Variants in CDK17 observed in about 807,000 individuals in gnomAD.
The protein encoded by CDK17 is cyclin dependent kinase 17, also known as cyclin-dependent kinase 17.
In CDK17, 24 loss-of-function variants were observed where a neutral mutation model predicts 77.6. The ratio of observed to expected loss-of-function variants is 0.31; its 90% CI spans 0.22 to 0.44. CDK17 has a LOEUF of 0.44. Among genes scored for constraint, CDK17 ranks in the 20% least tolerant of loss-of-function variants. The pLI is 1.00. For missense variants in CDK17, 429 were observed against 622.5 expected (o/e 0.69, Z 3.31); for synonymous variants, 203 against 210.4 (o/e 0.96, Z 0.30).
chr12:96,321,934 A>G (rs1435523611), intron 3 of CDK17, among the ~76,000 whole-genome samples: 3 of 151,172 alleles, frequency 2.0e-5, no homozygotes, highest in African/African-American at 4.9e-5. Context: ...CAATGTGCAC[A>G]TGTACCCTAA....
chr12:96,347,093 G>T (rs1417978193), intron 1 of CDK17, among the ~76,000 whole-genome samples: 2 of 152,054 alleles, frequency 1.3e-5, no homozygotes, highest in African/African-American at 4.8e-5. Flanking sequence ...ATTATAAGGG[G>T]TTCGATACAT....
intron 16 of CDK17, 153 bp downstream of exon 16, chr12:96,280,655 G>C: frequency 7.0e-7 from 1 of 1,431,302 alleles, no homozygotes; most frequent in Non-Finnish European, 9.1e-7. Context: ...ATACAGAAAA[G>C]TGAGTACGTG....
intron 1 of CDK17, among the ~76,000 whole-genome samples, chr12:96,361,550 T>C (rs1181178674): frequency 6.6e-6 from 1 of 152,234 alleles, no homozygotes; most frequent in Non-Finnish European, 1.5e-5. Context: ...TTTAAGGTAA[T>C]ATTTTGCAAA....
At chr12:96,318,001 G>A (rs1952756640) in intron 3 of CDK17, among the ~76,000 whole-genome samples, 1 of 151,958 alleles carries the variant, frequency 6.6e-6, no homozygotes, top group Non-Finnish European at 1.5e-5. Context: ...GACACAGACT[G>A]GCAAGTTGGA....
At chr12:96,330,916 G>C (rs1368652234) in intron 2 of CDK17, among the ~76,000 whole-genome samples, 1 of 152,090 alleles carries the variant, frequency 6.6e-6, no homozygotes, top group Non-Finnish European at 1.5e-5. Context: ...ACTTTTTGAA[G>C]AACTGAGGTA....
intron 2 of CDK17, among the ~76,000 whole-genome samples, chr12:96,333,668 T>C (rs1207326416): frequency 2.7e-5 from 3 of 113,184 alleles, no homozygotes; most frequent in African/African-American, 1.2e-4. Flanking sequence ...AGCGAGACTG[T>C]CTCAAAAAAA....
intron 1 of CDK17, among the ~76,000 whole-genome samples, chr12:96,340,668 T>C (rs979640565): frequency 1.3e-4 from 20 of 152,204 alleles, no homozygotes; most frequent in African/African-American, 3.9e-4. Context: ...AAACACCTTT[T>C]GTGACATAAA....
rs896453206 is a variant in CDK17, at chr12:96,293,441, G to A, written c.997+1558C>T. On this transcript the variant is annotated intron_variant, in intron 10 of 16. Coordinates refer to ENST00000261211, the MANE Select transcript of CDK17 (RefSeq NM_002595.5). ...ACATATCACAATATGTATCAAAATA[G>A]ATCAAATATACATATCACAACATAC... Among the ~76,000 whole-genome samples the A allele has an allele frequency of 2.0e-4, 30 of 152,040 alleles. 1 individual carries two copies. Among genetic ancestry groups the A allele is most frequent in the Admixed American group, 1.8e-3 (28 of 15,272 alleles).
At chr12:96,326,809 C>A (rs1040830185) in intron 2 of CDK17, among the ~76,000 whole-genome samples, 2 of 152,134 alleles carry the variant, frequency 1.3e-5, no homozygotes, top group Non-Finnish European at 2.9e-5. Context: ...CCTAACCGTG[C>A]GGGCAACAGT....
At chr12:96,290,543 A>G (rs547401889) in intron 10 of CDK17, among the ~76,000 whole-genome samples, 13 of 152,226 alleles carry the variant, frequency 8.5e-5, no homozygotes, top group Non-Finnish European at 1.3e-4. Flanking sequence ...GTGAAAGGTT[A>G]TAACTGGAAC....
rs1316538619 is a variant in CDK17, at chr12:96,279,825, T to A, written c.*417A>T. On this transcript the variant is annotated 3_prime_UTR_variant, in exon 17 of 17. Coordinates refer to ENST00000261211, the MANE Select transcript of CDK17 (RefSeq NM_002595.5). ...ACAAAAAATGCAGCAGTAAAACAATTCGTGAGGAGAAACAGATGCATTCAC... is the reference window on the plus strand; with the variant it reads ...ACAAAAAATGCAGCAGTAAAACAATACGTGAGGAGAAACAGATGCATTCAC... The A allele has an allele frequency of 6.4e-6, 1 of 156,912 alleles. No homozygotes were observed. Among genetic ancestry groups the A allele is most frequent in the East Asian group, 1.8e-4 (1 of 5,444 alleles). 9.7% of individuals were successfully genotyped at this position (156,912 alleles called of 1,614,324 possible).
chr12:96,354,287 T>C (rs558125974), intron 1 of CDK17, among the ~76,000 whole-genome samples: 58 of 152,172 alleles, frequency 3.8e-4, no homozygotes, highest in Non-Finnish European at 5.7e-4. Flanking sequence ...ATTTCCAGAG[T>C]TAGGAAGCAA....
chr12:96,282,317 C>G, intron 15 of CDK17, 192 bp downstream of exon 15: 1 of 527,366 alleles, frequency 1.9e-6, no homozygotes, highest in Non-Finnish European at 3.4e-6. Flanking sequence ...TGACAATGTG[C>G]TCAGTGTTAC....
intron 2 of CDK17, among the ~76,000 whole-genome samples, chr12:96,326,410 G>A (rs191963776): frequency 6.6e-6 from 1 of 152,296 alleles, no homozygotes; most frequent in Non-Finnish European, 1.5e-5. Flanking sequence ...ATTTTACACT[G>A]TATATTGAGG....
chr12:96,289,365 AT>A (rs1332467683), intron 10 of CDK17, 78 bp from the exon 11 acceptor site: 13 of 1,471,736 alleles, frequency 8.8e-6, no homozygotes, highest in African/African-American at 1.4e-5. Context: ...CCATGACTCC[AT>A]TCAAAGGGAT....
chr12:96,392,585 T>C (rs1785714468), intron 1 of CDK17, among the ~76,000 whole-genome samples: 1 of 152,162 alleles, frequency 6.6e-6, no homozygotes, highest in South Asian at 2.1e-4. Flanking sequence ...GAAATGAGCA[T>C]AACAGAAAAG....
At chr12:96,353,609 G>GC (rs978428282) in intron 1 of CDK17, among the ~76,000 whole-genome samples, 1 of 150,912 alleles carries the variant, frequency 6.6e-6, no homozygotes. Flanking sequence ...AGGTGGCGGG[G>GC]GGGGGCGCGG....
intron 9 of CDK17, among the ~76,000 whole-genome samples, chr12:96,296,487 T>G (rs182841619): frequency 8.5e-4 from 130 of 152,312 alleles, no homozygotes; most frequent in African/African-American, 2.9e-3. Flanking sequence ...AAACTTAATA[T>G]TTTTTTAAAA....
chr12:96,368,806 C>CTGGG lies in CDK17; in HGVS notation c.-30+31179_-30+31180insCCCA, dbSNP rs1491120801. On this transcript the variant is annotated intron_variant, in intron 1 of 16. Transcript: ENST00000261211. ...AATTTAGAAAGAAGCTACTCTAAGA[C>CTGGG]GGGGGGGGGGGGGGGGGGCACAATG... 4.9e-4 allele frequency among the ~76,000 whole-genome samples: 33 copies of CTGGG among 67,504 alleles called. 9 individuals carry two copies. Among genetic ancestry groups the CTGGG allele is most frequent in the East Asian group, 3.2e-3 (1 of 314 alleles). 44.3% of individuals were successfully genotyped at this position (67,504 alleles called of 152,430 possible). A position where few individuals can be genotyped will look rare whatever the true frequency, so the allele number is the denominator to read the frequency against.
Sources: allele counts gnomAD v4.1 joint callset (sites outside exome capture counted in the v4.1 genomes callset), GRCh38; gene constraint gnomAD v4.1.1; transcripts MANE v1.5; gene names NCBI Gene and HGNC (gene_info 2026-07-23, HGNC 2026-07-21).